The following FOXO1 variants were observed in gnomAD, a reference collection of about 807,000 sequenced individuals.
FOXO1 encodes the protein forkhead box O1, also known as forkhead box protein O1.
FOXO1 carries 6 observed loss-of-function variants against 44.1 expected under a neutral mutation model. The ratio of observed to expected loss-of-function variants is 0.14; its 90% CI spans 0.07 to 0.27. The LOEUF (loss-of-function observed/expected upper bound fraction) is 0.27, where lower values mean the gene tolerates loss of function less well. Ranked by LOEUF, FOXO1 falls within the 10% of genes least tolerant of loss-of-function variation. FOXO1 has a pLI of 1.00. For missense variants in FOXO1, 737 were observed against 888.8 expected (o/e 0.83, Z 2.17); for synonymous variants, 380 against 362.7 (o/e 1.05, Z -0.54).
At chr13:40,600,332 G>T (rs1218793564) in intron 1 of FOXO1, among the ~76,000 whole-genome samples, 1 of 152,206 alleles carries the variant, frequency 6.6e-6, no homozygotes, top group African/African-American at 2.4e-5. Context: ...TGTGTGTCAA[G>T]GTGACAGGCT....
Position 40,559,777 on chromosome 13 carries a change from T to C in FOXO1, c.1714A>G (p.Met572Val). ...VQVPLPHPMQMSALGGYSSVS... is the reference protein window; with the variant it reads ...VQVPLPHPMQVSALGGYSSVS... ...GAGGAGTAGCCCCCCAGGGCACTCA[T>C]CTGCATGGGGTGGGGCAGAGGCACT... Residue 572 changes from methionine (M) to valine (V), a missense_variant, in exon 2 of 3, where the codon ATG becomes GTG. This residue lies in a region of FOXO1 where 283 missense variants were observed against 278.1 expected (regional missense o/e 1.02). Coordinates refer to ENST00000379561, the MANE Select transcript of FOXO1 (RefSeq NM_002015.4). 1 of 1,613,584 alleles carries C rather than the reference T, an allele frequency of 6.2e-7. No individual in the cohort carries two copies. Among genetic ancestry groups the C allele is most frequent in the Non-Finnish European group, 8.5e-7 (1 of 1,179,696 alleles).
At chr13:40,663,518 G>A (rs1019571891) in intron 1 of FOXO1, among the ~76,000 whole-genome samples, 7 of 152,148 alleles carry the variant, frequency 4.6e-5, no homozygotes, top group Non-Finnish European at 8.8e-5. Flanking sequence ...TGCAAAAAAA[G>A]GGGGGAGGAT....
intron 1 of FOXO1, among the ~76,000 whole-genome samples, chr13:40,665,239 G>T (rs1451851782): frequency 2.0e-5 from 3 of 152,062 alleles, no homozygotes; most frequent in Non-Finnish European, 2.9e-5. Context: ...CGAAGCAGTC[G>T]GCGCGGGCCG....
At chr13:40,619,551 T>C (rs1226867555) in intron 1 of FOXO1, 8 of 1,400,630 alleles carry the variant, frequency 5.7e-6, no homozygotes, top group Non-Finnish European at 7.1e-6. Context: ...ATGGAGATTA[T>C]ACAAACATTC....
intron 1 of FOXO1, among the ~76,000 whole-genome samples, chr13:40,565,906 TTA>T (rs1282948188): frequency 6.6e-6 from 1 of 152,228 alleles, no homozygotes; most frequent in Non-Finnish European, 1.5e-5. Flanking sequence ...TGAGGCTTTT[TTA>T]TATGTTAATT....
chr13:40,655,612 A>G (rs1877831724), intron 1 of FOXO1, among the ~76,000 whole-genome samples: 1 of 144,786 alleles, frequency 6.9e-6, no homozygotes, highest in Admixed American at 6.9e-5. Context: ...GGATAAATAT[A>G]TTAGTAAAAT....
chr13:40,642,437 C>G (rs1223912395), intron 1 of FOXO1, among the ~76,000 whole-genome samples: 1 of 152,168 alleles, frequency 6.6e-6, no homozygotes, highest in Non-Finnish European at 1.5e-5. Flanking sequence ...ATGCCTGTCA[C>G]CACATATAAA....
Position 40,588,922 on chromosome 13 carries a change from T to C in FOXO1, c.631-28062A>G, listed in dbSNP as rs1280350508. Reference sequence around the variant, plus strand: ...GAGTTCAAGACCAGCCTGGCCAACATGGTAAAACCCCATCTCTATTAAAAA... The same window carrying C: ...GAGTTCAAGACCAGCCTGGCCAACACGGTAAAACCCCATCTCTATTAAAAA... On this transcript the variant is annotated intron_variant, in intron 1 of 2. Coordinates refer to ENST00000379561, the MANE Select transcript of FOXO1 (RefSeq NM_002015.4). Among the ~76,000 whole-genome samples, 5 of 152,214 alleles carry C rather than the reference T, an allele frequency of 3.3e-5. No homozygotes were observed. In the South Asian group the frequency reaches 6.2e-4, roughly 19 times the overall value.
intron 1 of FOXO1, among the ~76,000 whole-genome samples, chr13:40,584,799 G>A (rs907484378): frequency 1.3e-5 from 2 of 152,164 alleles, no homozygotes; most frequent in Admixed American, 1.3e-4. Flanking sequence ...TATCCCTCCA[G>A]TCTAATGGTC....
At chr13:40,608,682 T>C (rs1389679602) in intron 1 of FOXO1, among the ~76,000 whole-genome samples, 2 of 152,238 alleles carry the variant, frequency 1.3e-5, no homozygotes, top group African/African-American at 4.8e-5. Context: ...CTATCTTTTT[T>C]TCAGATTCTC....
intron 1 of FOXO1, among the ~76,000 whole-genome samples, chr13:40,590,190 C>T (rs751390363): frequency 1.2e-4 from 19 of 152,176 alleles, no homozygotes; most frequent in South Asian, 2.1e-4. Context: ...GGCATAGTGA[C>T]GCAAAGAAAA....
chr13:40,619,819 A>C, intron 1 of FOXO1: 1 of 770,712 alleles, frequency 1.3e-6, no homozygotes. Context: ...CAGTAGTCAC[A>C]CAAACCAGTC....
At chr13:40,587,908 G>A (rs1336509437) in intron 1 of FOXO1, among the ~76,000 whole-genome samples, 1 of 152,212 alleles carries the variant, frequency 6.6e-6, no homozygotes, top group Non-Finnish European at 1.5e-5. Flanking sequence ...GCCACCCTAG[G>A]TTGACTTCCA....
intron 1 of FOXO1, among the ~76,000 whole-genome samples, chr13:40,631,896 C>T (rs1314874507): frequency 6.6e-6 from 1 of 152,116 alleles, no homozygotes; most frequent in Non-Finnish European, 1.5e-5. Flanking sequence ...CGGAACAGTA[C>T]GTTTTAAAAC....
At chr13:40,662,637 G>T (rs1375407966) in intron 1 of FOXO1, among the ~76,000 whole-genome samples, 1 of 152,254 alleles carries the variant, frequency 6.6e-6, no homozygotes, top group South Asian at 2.1e-4. Context: ...AAAAGTTTTT[G>T]AATTCATTAA....
chr13:40,560,198 C>T lies in FOXO1; in HGVS notation c.1293G>A (p.Met431Ile). 1.9e-6 allele frequency: 3 copies of T among 1,614,148 alleles called. No individual in the cohort carries two copies. Among genetic ancestry groups the T allele is most frequent in the Non-Finnish European group, 2.5e-6 (3 of 1,180,034 alleles). Residue 431 changes from methionine (M) to isoleucine (I), a missense_variant, in exon 2 of 3, where the codon ATG becomes ATA. Met to Ile is a conservative substitution (Grantham distance 10, BLOSUM62 1). Coordinates refer to ENST00000379561, the MANE Select transcript of FOXO1 (RefSeq NM_002015.4). The surrounding 1 kb of genome is among the most constrained non-coding windows in gnomAD (Gnocchi z 5.1). Reference sequence around the variant, plus strand: ...GTATAGGCATCTGGGGCAAAGGGCTCATGCTGGATTGGCCATATGTATATT... The same window carrying T: ...GTATAGGCATCTGGGGCAAAGGGCTTATGCTGGATTGGCCATATGTATATT... ...YQKYTYGQSSMSPLPQMPIQT... is the reference protein window; with the variant it reads ...YQKYTYGQSSISPLPQMPIQT...
chr13:40,629,660 C>T (rs1487516117), intron 1 of FOXO1, among the ~76,000 whole-genome samples: 2 of 152,186 alleles, frequency 1.3e-5, no homozygotes, highest in Non-Finnish European at 2.9e-5. Context: ...CATCATGTTG[C>T]CACTCAAGAA....
At chr13:40,650,108 T>C (rs569734708) in intron 1 of FOXO1, among the ~76,000 whole-genome samples, 2 of 151,942 alleles carry the variant, frequency 1.3e-5, no homozygotes, top group South Asian at 4.2e-4. Flanking sequence ...CTTGATGATA[T>C]GCTAAACGAG....
At chr13:40,663,599 C>G (rs1273426915) in intron 1 of FOXO1, among the ~76,000 whole-genome samples, 1 of 152,098 alleles carries the variant, frequency 6.6e-6, no homozygotes, top group East Asian at 1.9e-4. Context: ...AAGTCAAGTA[C>G]TTAAATTCAA....
Sources: gnomAD v4.1 joint callset for allele counts (sites outside exome capture counted in the v4.1 genomes callset) on GRCh38, gnomAD v4.1.1 for gene constraint, gnomAD v4.1.1 regional missense constraint, Gnocchi (gnomAD v3.1) non-coding constraint, MANE v1.5 for transcripts, NCBI Gene and HGNC (gene_info 2026-07-23, HGNC 2026-07-21) for gene names.